The following CNTNAP2 variants were observed in gnomAD, a reference collection of about 807,000 sequenced individuals.
CNTNAP2 encodes contactin associated protein 2, also known as contactin-associated protein-like 2.
CNTNAP2 carries 98 observed loss-of-function variants against 155.2 expected under a neutral mutation model. That is an observed-to-expected ratio of 0.63 (90% CI 0.54 to 0.75). The LOEUF is 0.75. Among genes scored for constraint, CNTNAP2 ranks in the 30% least tolerant of loss-of-function variants. The pLI, the probability that CNTNAP2 is intolerant of heterozygous loss-of-function variation, is 0.00. For missense variants in CNTNAP2, 1,727 were observed against 1,688.1 expected, an observed-to-expected ratio of 1.02 and a Z score of -0.40; for synonymous variants, 651 against 631.2, an observed-to-expected ratio of 1.03 and a Z score of -0.47.
intron 9 of CNTNAP2, among the ~76,000 whole-genome samples, chr7:147,384,113 T>C (rs1471644478): frequency 6.6e-6 from 1 of 152,178 alleles, no homozygotes; most frequent in Non-Finnish European, 1.5e-5. Flanking sequence ...AGAAAGGGTT[T>C]GGTTTTCCTG....
chr7:147,062,127 C>CA (rs869125044), intron 4 of CNTNAP2, among the ~76,000 whole-genome samples: 663 of 44,900 alleles, frequency 0.015, 147 homozygotes, highest in Non-Finnish European at 0.018. Context: ...GACTCCGTCT[C>CA]AAAAAAAAAA....
intron 1 of CNTNAP2, among the ~76,000 whole-genome samples, chr7:146,568,304 G>C (rs1460067968): frequency 6.6e-6 from 1 of 152,154 alleles, no homozygotes; most frequent in Non-Finnish European, 1.5e-5. Flanking sequence ...TCTGGATAAG[G>C]CAGTATCTCT....
intron 3 of CNTNAP2, among the ~76,000 whole-genome samples, chr7:147,017,949 G>T (rs1798753406): frequency 6.6e-6 from 1 of 151,940 alleles, no homozygotes. Flanking sequence ...CATTTCTGTT[G>T]GCTGGAACCA....
chr7:147,080,478 G>A (rs1158367833), intron 4 of CNTNAP2, among the ~76,000 whole-genome samples: 1 of 151,210 alleles, frequency 6.6e-6, no homozygotes, highest in Non-Finnish European at 1.5e-5. Flanking sequence ...TATGATGAAA[G>A]AATTTTAAAA....
At chr7:146,593,903 T>C (rs1798820566) in intron 1 of CNTNAP2, among the ~76,000 whole-genome samples, 1 of 152,152 alleles carries the variant, frequency 6.6e-6, no homozygotes, top group South Asian at 2.1e-4. Flanking sequence ...TTAGCAAGAC[T>C]CTTGCAGAGT....
rs1226186050 is a variant in CNTNAP2 at position 148,124,273 on chromosome 7, CGTTT to C, written c.2554+5993_2554+5996del. On this transcript the variant is annotated intron_variant, in intron 16 of 23. Coordinates refer to ENST00000361727, the MANE Select transcript of CNTNAP2 (RefSeq NM_014141.6). Reference sequence around the variant, plus strand: ...ATTTGTTGTTGTTGTTGTGTGTGGACGTTTGTTTGTTAGTATTTTTGAGATGGCA... The same window carrying C: ...ATTTGTTGTTGTTGTTGTGTGTGGACGTTTGTTAGTATTTTTGAGATGGCA... Among the ~76,000 whole-genome samples, 4 of 152,070 alleles carry C rather than the reference CGTTT, an allele frequency of 2.6e-5. No individual in the cohort carries two copies. In the East Asian group the frequency reaches 5.8e-4, roughly 22 times the overall value.
At chr7:147,697,361 C>T (rs1424377394) in intron 13 of CNTNAP2, among the ~76,000 whole-genome samples, 1 of 152,120 alleles carries the variant, frequency 6.6e-6, no homozygotes, top group African/African-American at 2.4e-5. Context: ...AACGTCCCTA[C>T]CATATCTGAC....
At chr7:147,481,740 C>A (rs1322287025) in intron 10 of CNTNAP2, among the ~76,000 whole-genome samples, 1 of 152,200 alleles carries the variant, frequency 6.6e-6, no homozygotes, top group African/African-American at 2.4e-5. Context: ...TTGATCACAA[C>A]AAATTGACAC....
At chr7:147,429,829 C>T (rs569428866) in intron 10 of CNTNAP2, among the ~76,000 whole-genome samples, 15 of 152,182 alleles carry the variant, frequency 9.9e-5, no homozygotes, top group African/African-American at 3.1e-4. Flanking sequence ...CCTCTCCCCA[C>T]TTTATGTTTT....
intron 1 of CNTNAP2, among the ~76,000 whole-genome samples, chr7:146,493,945 A>T (rs1473022303): frequency 6.6e-6 from 1 of 152,168 alleles, no homozygotes; most frequent in Non-Finnish European, 1.5e-5. Flanking sequence ...TGATAGGTGC[A>T]CTCATATCTC....
intron 11 of CNTNAP2, among the ~76,000 whole-genome samples, chr7:147,549,076 T>C (rs577775729): frequency 1.3e-5 from 2 of 152,338 alleles, no homozygotes; most frequent in South Asian, 4.1e-4. Context: ...TAGGATTGTC[T>C]TGGCTATTTG....
intron 1 of CNTNAP2, among the ~76,000 whole-genome samples, chr7:146,355,649 A>G (rs1165732516): frequency 6.6e-6 from 1 of 152,140 alleles, no homozygotes; most frequent in African/African-American, 2.4e-5. Flanking sequence ...CTTAATTCCT[A>G]CTTAAATACA....
intron 16 of CNTNAP2, among the ~76,000 whole-genome samples, chr7:148,130,760 G>A (rs1314895660): frequency 3.3e-5 from 5 of 152,278 alleles, no homozygotes; most frequent in Non-Finnish European, 7.3e-5. Flanking sequence ...GTGTCTGCCT[G>A]TTCCGGAATT....
chr7:147,735,715 G>A (rs1404077978), intron 13 of CNTNAP2, among the ~76,000 whole-genome samples: 1 of 152,104 alleles, frequency 6.6e-6, no homozygotes, highest in African/African-American at 2.4e-5. Flanking sequence ...CCTGTATTGG[G>A]TGCATATATA....
Position 147,699,262 on chromosome 7 carries a change from TG to T in CNTNAP2, c.2098+59958del, listed in dbSNP as rs1001946541. Among the ~76,000 whole-genome samples the T allele has an allele frequency of 1.6e-4, 24 of 145,566 alleles. 1 individual carries two copies. Among genetic ancestry groups the T allele is most frequent in the Non-Finnish European group, 3.4e-4 (23 of 66,740 alleles). On this transcript the variant is annotated intron_variant, in intron 13 of 23. Coordinates refer to ENST00000361727, the MANE Select transcript of CNTNAP2 (RefSeq NM_014141.6). ...AAAAAAAAAAACGCTTTTTAAAAGA[TG>T]GCTTTCATAAAAAGGAATGAGTTCA...
rs556500268 is a variant in CNTNAP2, at chr7:146,372,606, AAGAGGCG to A, written c.97+255636_97+255642del. Among the ~76,000 whole-genome samples, 1,462 of 152,018 alleles carry A rather than the reference AAGAGGCG, an allele frequency of 9.6e-3. 22 individuals carry two copies. The highest frequency in any genetic ancestry group is 0.033 in the African/African-American group (1,346 of 41,308). ...TTCATGTTCCCAAATGATCACTTCA[AAGAGGCG>A]AGTAAGAGGCGAGTAAGAAGGAATA... On this transcript the variant is annotated intron_variant, in intron 1 of 23. Transcript: ENST00000361727.
At chr7:147,107,138 A>G (rs1386324538) in intron 4 of CNTNAP2, among the ~76,000 whole-genome samples, 1 of 152,200 alleles carries the variant, frequency 6.6e-6, no homozygotes, top group African/African-American at 2.4e-5. Context: ...GATTTTTAAC[A>G]GTGAAGATTT....
At chr7:148,038,079 C>T (rs1039669905) in intron 15 of CNTNAP2, among the ~76,000 whole-genome samples, 2 of 152,140 alleles carry the variant, frequency 1.3e-5, no homozygotes, top group Non-Finnish European at 2.9e-5. Context: ...AATTTGTTTT[C>T]ATAAACAAAT....
At chr7:147,137,514 A>T (rs1402650251) in intron 8 of CNTNAP2, among the ~76,000 whole-genome samples, 1 of 151,840 alleles carries the variant, frequency 6.6e-6, no homozygotes, top group Admixed American at 6.6e-5. Flanking sequence ...ACAATTGAGG[A>T]TAAAATGATA....
Sources: gnomAD v4.1 joint callset for allele counts (sites outside exome capture counted in the v4.1 genomes callset) on GRCh38, gnomAD v4.1.1 for gene constraint, MANE v1.5 for transcripts, NCBI Gene and HGNC (gene_info 2026-07-23, HGNC 2026-07-21) for gene names.